The following MYO18A variants were observed in gnomAD, a reference collection of about 807,000 sequenced individuals.
MYO18A encodes myosin XVIIIA.
A neutral mutation model predicts 235.8 loss-of-function variants in MYO18A; 78 were observed. That is an observed-to-expected ratio of 0.33 (90% CI 0.28 to 0.40). The LOEUF is 0.40. MYO18A is among the 10% of genes least tolerant of loss of function. The pLI is 1.00. For synonymous variants in MYO18A, 977 were observed against 1,077.8 expected (o/e 0.91, Z 1.83); for missense variants, 2,215 against 2,699.3 (o/e 0.82, Z 3.98).
rs756811346 is a variant in MYO18A, at chr17:29,115,074, G to A, written c.2344C>T (p.Leu782Phe). 8 of 1,613,816 alleles carry A rather than the reference G, an allele frequency of 5.0e-6. No individual in the cohort carries two copies. In the Admixed American group the frequency reaches 6.7e-5, roughly 13 times the overall value. ...GTGTCGACAATCATCATGGAGCAGA[G>A]TGAGTGCTGGCTGGACTTGAGAGCC... The part of the protein sequence containing the change: ...NRALKSSQHS[L>F]CSMMIVDTPG... The change falls in exon 14 of 42, where the codon CTC becomes TTC. Residue 782 changes from leucine to phenylalanine, a missense_variant. By Grantham distance (22) the Leu-to-Phe change is conservative. Coordinates refer to ENST00000527372, the MANE Select transcript of MYO18A (RefSeq NM_078471.4).
Position 29,098,463 on chromosome 17 carries a change from G to A in MYO18A, c.3781-18C>T, listed in dbSNP as rs759833523. Reference sequence around the variant, plus strand: ...ATCTCCTCCTAGGGTGGACCAAAGAGGGCAAAGTGAGCCAAAGGCACTGCG... The same window carrying A: ...ATCTCCTCCTAGGGTGGACCAAAGAAGGCAAAGTGAGCCAAAGGCACTGCG... On this transcript the variant is annotated intron_variant, in intron 23 of 41. Transcript: ENST00000527372. The A allele has an allele frequency of 4.3e-6, 7 of 1,613,500 alleles. No homozygotes were observed. The South Asian group carries it at 4.4e-5, about 10-fold the overall frequency.
intron 1 of MYO18A, among the ~76,000 whole-genome samples, chr17:29,173,189 T>A (rs2068444721): frequency 6.6e-6 from 1 of 150,478 alleles, no homozygotes; most frequent in Non-Finnish European, 1.5e-5. Flanking sequence ...GCCTCCCGGG[T>A]TCAAGCAATT....
At chr17:29,112,485 G>C (rs1160300668) in intron 15 of MYO18A, among the ~76,000 whole-genome samples, 1 of 152,242 alleles carries the variant, frequency 6.6e-6, no homozygotes, top group East Asian at 1.9e-4. Context: ...TATCCAAAGG[G>C]AAAAACCACC....
chr17:29,174,738 G>C (rs1353941032), intron 1 of MYO18A, among the ~76,000 whole-genome samples: 1 of 152,078 alleles, frequency 6.6e-6, no homozygotes, highest in Non-Finnish European at 1.5e-5. Flanking sequence ...CTTGAATCCA[G>C]GAAGCGGAGG....
chr17:29,082,928 G>A (rs1341760719), intron 40 of MYO18A, among the ~76,000 whole-genome samples: 2 of 152,146 alleles, frequency 1.3e-5, no homozygotes, highest in Non-Finnish European at 2.9e-5. Flanking sequence ...AGAAGAGAAG[G>A]GCTTCGTAGG....
At chr17:29,116,270 C>T (rs958917977) in intron 11 of MYO18A, among the ~76,000 whole-genome samples, 174 bp downstream of exon 11, 17 of 152,214 alleles carry the variant, frequency 1.1e-4, no homozygotes, top group African/African-American at 4.1e-4. Context: ...AGAACCCTCC[C>T]TCTTGCCCCC....
At chr17:29,113,536 C>T (rs2066984988) in intron 15 of MYO18A, among the ~76,000 whole-genome samples, 1 of 152,212 alleles carries the variant, frequency 6.6e-6, no homozygotes, top group Non-Finnish European at 1.5e-5. Flanking sequence ...ACTGTTTCCC[C>T]TGGGAGCGGG....
intron 21 of MYO18A, among the ~76,000 whole-genome samples, chr17:29,100,573 G>T (rs181263586): frequency 6.6e-6 from 1 of 152,194 alleles, no homozygotes; most frequent in Non-Finnish European, 1.5e-5. Flanking sequence ...GATAGGGCTC[G>T]GTAAAATTTG....
chr17:29,144,631 A>G (rs985091028), intron 2 of MYO18A, among the ~76,000 whole-genome samples: 1 of 152,240 alleles, frequency 6.6e-6, no homozygotes, highest in Non-Finnish European at 1.5e-5. Context: ...TGTTATAAGA[A>G]TAGAAAAGGC....
chr17:29,089,671 G>A (rs142784023), intron 37 of MYO18A, among the ~76,000 whole-genome samples: 8 of 152,260 alleles, frequency 5.3e-5, no homozygotes, highest in South Asian at 4.1e-4. Context: ...GGGAACAGGC[G>A]GGGGGAGCTC....
Position 29,166,660 on chromosome 17 carries a change from G to T in MYO18A, c.281C>A (p.Ser94Ter). ...GGAGCTGGCTGTACTTAGGTGGCCCGAGTCCAGGATGACGCTGCCCCGGTT... is the reference window on the plus strand; with the variant it reads ...GGAGCTGGCTGTACTTAGGTGGCCCTAGTCCAGGATGACGCTGCCCCGGTT... ...DSNRGSVILDSGHLSTASSSD... is the reference protein window; with the variant it reads ...DSNRGSVILD Residue 94 changes from serine (S) to a stop codon, truncating the protein, a stop_gained, in exon 2 of 42, where the codon TCG (serine) becomes TAG (stop). Transcript: ENST00000527372. LOFTEE classifies it high-confidence loss of function. The T allele has an allele frequency of 6.2e-7, 1 of 1,613,746 alleles. No homozygotes were observed. Among genetic ancestry groups the T allele is most frequent in the Non-Finnish European group, 8.5e-7 (1 of 1,179,822 alleles).
At position 29,072,873 on chromosome 17, in the gene MYO18A, T is replaced by G. The variant is rs1241279423; in HGVS notation, c.*1897A>C. 6.6e-6 allele frequency: 1 copy of G among 152,232 alleles called. No homozygotes were observed. The highest frequency in any genetic ancestry group is 2.4e-5 in the African/African-American group (1 of 41,432). The allele number at this position is 152,232 out of a possible 1,614,324, so 9.4% of individuals were successfully genotyped here. On this transcript the variant is annotated 3_prime_UTR_variant, in exon 42 of 42. Transcript: ENST00000527372. Reference sequence around the variant, plus strand: ...CTTGCCTTTCTGCATGAGCTGCCTCTTAGCTGTCAATGAAGGAACAAAGCA... The same window carrying G: ...CTTGCCTTTCTGCATGAGCTGCCTCGTAGCTGTCAATGAAGGAACAAAGCA...
Position 29,114,905 on chromosome 17 carries a change from A to G in MYO18A, c.2511+2T>C. 1 of 1,611,982 alleles carries G rather than the reference A, an allele frequency of 6.2e-7. No individual in the cohort carries two copies. The highest frequency in any genetic ancestry group is 8.5e-7 in the Non-Finnish European group (1 of 1,178,684). On this transcript the variant is annotated splice_donor_variant, in intron 14 of 41. Transcript: ENST00000527372. LOFTEE classifies it high-confidence loss of function. ...TAGATGAGGCCCAGGCCCCAGAGCT[A>G]CCTCCTTGTATCTTTCCAACTCCTG...
chr17:29,104,725 A>T (rs772632438), intron 20 of MYO18A, among the ~76,000 whole-genome samples: 7 of 152,160 alleles, frequency 4.6e-5, no homozygotes, highest in Non-Finnish European at 7.3e-5. Context: ...CCTGAGGAAG[A>T]CACCTCTTTA....
At position 29,097,812 on chromosome 17, in the gene MYO18A, C is replaced by T. The variant is rs769262638; in HGVS notation, c.4078G>A (p.Gly1360Arg). The change falls in exon 26 of 42, where the codon GGG (glycine) becomes AGG (arginine). Residue 1360 changes from glycine (G) to arginine (R), a missense_variant. By Grantham distance (125) the Gly-to-Arg change is moderately radical. Transcript: ENST00000527372. ...ARLIRAAEIN[G>R]EVDDDDAGGE... is the part of the protein sequence containing the mutation. Reference sequence around the variant, plus strand: ...CCTGCATCATCATCATCCACTTCCCCGTTGATCTCCGCTGCCCGGATGAGA... The same window carrying T: ...CCTGCATCATCATCATCCACTTCCCTGTTGATCTCCGCTGCCCGGATGAGA... The T allele has an allele frequency of 8.1e-6, 13 of 1,613,338 alleles. No homozygotes were observed. The highest frequency in any genetic ancestry group is 4.5e-5 in the East Asian group (2 of 44,884).
At chr17:29,097,048 G>A (rs2066535629) in intron 27 of MYO18A, 133 bp from the exon 28 acceptor site, 1 of 1,380,876 alleles carries the variant, frequency 7.2e-7, no homozygotes, top group African/African-American at 1.4e-5. Flanking sequence ...GGGAACTGAA[G>A]AAGCTCTAAT....
rs377454229 is a variant in MYO18A, at chr17:29,092,431, G to A, written c.5099C>T (p.Ala1700Val). ...TGCTTTCCGTGCTTTCACGGCTGCCGCACAGGTGAACTCTGACTCCTCCAG... is the reference window on the plus strand; with the variant it reads ...TGCTTTCCGTGCTTTCACGGCTGCCACACAGGTGAACTCTGACTCCTCCAG... ...NQLEESEFTCAAAVKARKAME... is the reference protein window; with the variant it reads ...NQLEESEFTCVAAVKARKAME... The change falls in exon 34 of 42, where the codon GCG becomes GTG. Residue 1700 changes from alanine to valine, a missense_variant. By Grantham distance (64) the Ala-to-Val change is moderately conservative. Coordinates refer to ENST00000527372, the MANE Select transcript of MYO18A (RefSeq NM_078471.4). The A allele has an allele frequency of 1.1e-4, 171 of 1,611,740 alleles. No individual in the cohort carries two copies. The highest frequency in any genetic ancestry group is 1.3e-4 in the Non-Finnish European group (152 of 1,179,674).
intron 28 of MYO18A, 112 bp downstream of exon 28, chr17:29,096,649 C>G: frequency 7.6e-7 from 1 of 1,316,490 alleles, no homozygotes; most frequent in East Asian, 2.7e-5. Flanking sequence ...GCAAGCAAGG[C>G]CCCTGGACAA....
At chr17:29,172,002 G>C (rs900627437) in intron 1 of MYO18A, among the ~76,000 whole-genome samples, 1 of 152,168 alleles carries the variant, frequency 6.6e-6, no homozygotes, top group African/African-American at 2.4e-5. Flanking sequence ...CTAGGAAATG[G>C]AGGGTATTCG....
Sources: allele counts gnomAD v4.1 joint callset (sites outside exome capture counted in the v4.1 genomes callset), GRCh38; gene constraint gnomAD v4.1.1; transcripts MANE v1.5; gene names NCBI Gene and HGNC (gene_info 2026-07-23, HGNC 2026-07-21).